SPOCK1: variants seen among roughly 807,000 people sequenced by gnomAD.
SPOCK1 encodes the protein testican-1.
Under a neutral mutation model 55.3 loss-of-function variants are expected in SPOCK1, and 23 were observed. The ratio of observed to expected loss-of-function variants is 0.42; its 90% confidence interval spans 0.30 to 0.59. The LOEUF is 0.59. Among genes scored for constraint, SPOCK1 ranks in the 20% least tolerant of loss-of-function variants. The pLI, the probability that SPOCK1 is intolerant of heterozygous loss-of-function variation, is 0.22. For missense variants in SPOCK1, 499 were observed against 552.5 expected, an observed-to-expected ratio of 0.90 and a Z score of 0.97; for synonymous variants, 226 against 221.0, an observed-to-expected ratio of 1.02 and a Z score of -0.20.
intron 2 of SPOCK1, among the ~76,000 whole-genome samples, chr5:137,458,227 G>A (rs562400230): frequency 6.6e-6 from 1 of 152,158 alleles, no homozygotes; most frequent in Non-Finnish European, 1.5e-5. Flanking sequence ...GGACTGGCCA[G>A]CAAATGCTCC....
intron 2 of SPOCK1, among the ~76,000 whole-genome samples, chr5:137,282,439 T>C (rs952261081): frequency 2.4e-4 from 36 of 152,374 alleles, no homozygotes; most frequent in African/African-American, 8.4e-4. Flanking sequence ...TCATTATCTG[T>C]TGACTGCCAC....
intron 2 of SPOCK1, among the ~76,000 whole-genome samples, chr5:137,293,505 G>C (rs892711034): frequency 7.2e-5 from 11 of 152,150 alleles, no homozygotes; most frequent in African/African-American, 2.7e-4. Context: ...AAAAAAAAGA[G>C]GCAGATCCCT....
intron 2 of SPOCK1, among the ~76,000 whole-genome samples, chr5:137,359,422 A>T (rs1750892083): frequency 6.6e-6 from 1 of 152,226 alleles, no homozygotes; most frequent in Non-Finnish European, 1.5e-5. Flanking sequence ...GAGTTAACAC[A>T]TGTAAAGCAT....
intron 6 of SPOCK1, among the ~76,000 whole-genome samples, chr5:137,022,163 C>G (rs1021409121): frequency 6.6e-6 from 1 of 152,084 alleles, no homozygotes; most frequent in Non-Finnish European, 1.5e-5. Flanking sequence ...CTCAACCCCA[C>G]CTTCTCCCTT....
At chr5:137,032,596 C>T (rs866981724) in intron 6 of SPOCK1, among the ~76,000 whole-genome samples, 3 of 152,038 alleles carry the variant, frequency 2.0e-5, no homozygotes, top group Non-Finnish European at 4.4e-5. Context: ...TGGAAAATGA[C>T]GGTACTCACG....
intron 6 of SPOCK1, among the ~76,000 whole-genome samples, chr5:137,063,307 C>G (rs1213786799): frequency 6.6e-6 from 1 of 151,126 alleles, no homozygotes; most frequent in Non-Finnish European, 1.5e-5. Flanking sequence ...TCCACCATCT[C>G]TTCAGGTTCC....
At chr5:137,021,410 C>G (rs548113357) in intron 6 of SPOCK1, among the ~76,000 whole-genome samples, 1 of 151,970 alleles carries the variant, frequency 6.6e-6, no homozygotes, top group Middle Eastern at 3.2e-3. Flanking sequence ...ATAGTTAGCA[C>G]GAAATAAGGA....
intron 2 of SPOCK1, among the ~76,000 whole-genome samples, chr5:137,322,052 A>G (rs1222523138): frequency 6.6e-6 from 1 of 152,168 alleles, no homozygotes; most frequent in African/African-American, 2.4e-5. Flanking sequence ...GAATGCTAAA[A>G]AACACTGGTC....
intron 5 of SPOCK1, among the ~76,000 whole-genome samples, chr5:137,110,969 C>T (rs1004408469): frequency 8.5e-5 from 13 of 152,128 alleles, no homozygotes; most frequent in Non-Finnish European, 1.6e-4. Flanking sequence ...GTAAGAAGCA[C>T]ATTTTTCTTC....
intron 2 of SPOCK1, among the ~76,000 whole-genome samples, chr5:137,372,384 A>G (rs1366030743): frequency 6.6e-6 from 1 of 152,156 alleles, no homozygotes; most frequent in East Asian, 1.9e-4. Flanking sequence ...TTTCCTTATA[A>G]GGATTGGATG....
intron 3 of SPOCK1, among the ~76,000 whole-genome samples, chr5:137,229,095 T>A (rs998393465): frequency 1.3e-5 from 2 of 152,028 alleles, no homozygotes; most frequent in Non-Finnish European, 2.9e-5. Context: ...AAAAGCATCA[T>A]CCCCAGTAGA....
chr5:137,454,727 T>C (rs1433626008), intron 2 of SPOCK1, among the ~76,000 whole-genome samples: 1 of 152,186 alleles, frequency 6.6e-6, no homozygotes, highest in African/African-American at 2.4e-5. Context: ...CTTAATTTTG[T>C]TTTGGCAAAG....
chr5:137,195,114 T>C (rs1458612339), intron 3 of SPOCK1, among the ~76,000 whole-genome samples: 3 of 152,234 alleles, frequency 2.0e-5, no homozygotes, highest in African/African-American at 4.8e-5. Context: ...TTTTGTTTTC[T>C]TCTCACTCTA....
intron 3 of SPOCK1, among the ~76,000 whole-genome samples, chr5:137,217,922 A>G (rs1198882663): frequency 6.6e-6 from 1 of 151,412 alleles, no homozygotes; most frequent in Non-Finnish European, 1.5e-5. Flanking sequence ...ATACTGCACT[A>G]TCTTACTTAC....
At chr5:137,231,456 G>A (rs981867326) in intron 3 of SPOCK1, among the ~76,000 whole-genome samples, 4 of 152,090 alleles carry the variant, frequency 2.6e-5, no homozygotes, top group Non-Finnish European at 4.4e-5. Context: ...TCTAAAATGT[G>A]GGCATTTCAA....
chr5:137,318,953 C>T (rs1233636438), intron 2 of SPOCK1, among the ~76,000 whole-genome samples: 2 of 152,178 alleles, frequency 1.3e-5, no homozygotes, highest in African/African-American at 4.8e-5. Context: ...TGACAGAAGA[C>T]GTTTAATAGA....
At chr5:137,417,883 C>G (rs929669406) in intron 2 of SPOCK1, among the ~76,000 whole-genome samples, 4 of 152,038 alleles carry the variant, frequency 2.6e-5, no homozygotes, top group Non-Finnish European at 4.4e-5. Flanking sequence ...ATACATGTGC[C>G]ATATTGGTGT....
At chr5:137,463,523 TAG>T (rs1753535541) in intron 2 of SPOCK1, among the ~76,000 whole-genome samples, 1 of 86,856 alleles carries the variant, frequency 1.2e-5, no homozygotes, top group Non-Finnish European at 2.2e-5. Context: ...CTGGCAAGGG[TAG>T]TGGGGGGGTG....
intron 2 of SPOCK1, among the ~76,000 whole-genome samples, chr5:137,473,609 A>T (rs918656814): frequency 2.0e-5 from 3 of 152,248 alleles, no homozygotes; most frequent in African/African-American, 7.2e-5. Flanking sequence ...TGATGAACAA[A>T]GCATACCCTA....
Sources: gnomAD v4.1 joint callset for allele counts (sites outside exome capture counted in the v4.1 genomes callset) on GRCh38, gnomAD v4.1.1 for gene constraint, MANE v1.5 for transcripts, NCBI Gene and HGNC (gene_info 2026-07-23, HGNC 2026-07-21) for gene names.